The following FAF1 variants were observed in gnomAD, a reference collection of about 807,000 sequenced individuals.
FAF1 encodes the protein FAS-associated factor 1.
FAF1 carries 25 observed loss-of-function variants against 92.5 expected under a neutral mutation model. The ratio of observed to expected loss-of-function variants is 0.27; its 90% CI spans 0.20 to 0.38. The LOEUF is 0.38. FAF1 is among the 10% of genes least tolerant of loss of function. The pLI is 1.00. For synonymous variants in FAF1, 234 were observed against 273.2 expected, an observed-to-expected ratio of 0.86 and a Z score of 1.42; for missense variants, 636 against 793.3, an observed-to-expected ratio of 0.80 and a Z score of 2.38.
At chr1:50,913,017 G>A (rs1644896761) in intron 1 of FAF1, among the ~76,000 whole-genome samples, 1 of 152,140 alleles carries the variant, frequency 6.6e-6, no homozygotes, top group African/African-American at 2.4e-5. Flanking sequence ...GCCTTAAAAA[G>A]CCTTAAACAT....
intron 1 of FAF1, among the ~76,000 whole-genome samples, chr1:50,886,681 A>T (rs1298908459): frequency 6.6e-6 from 1 of 152,150 alleles, no homozygotes; most frequent in African/African-American, 2.4e-5. Context: ...TTCCAGCTTC[A>T]TCCATGTCCC....
chr1:50,610,234 G>A (rs79479034), intron 8 of FAF1, among the ~76,000 whole-genome samples: 4,584 of 152,194 alleles, frequency 0.03, 104 homozygotes, highest in Middle Eastern at 0.075. Context: ...TCCATATGAT[G>A]ATATGTTCAA....
rs374146304 is a variant in FAF1 at position 50,749,792 on chromosome 1, G to GA, written c.368-5018dup. ...TGACAGAGTGAGAACCTGTCTCAGAGAAAAAAAAAAAAACACGATTCTCAG... is the reference window on the plus strand; with the variant it reads ...TGACAGAGTGAGAACCTGTCTCAGAGAAAAAAAAAAAAAACACGATTCTCAG... On this transcript the variant is annotated intron_variant, in intron 4 of 18. Transcript: ENST00000396153. Among the ~76,000 whole-genome samples the GA allele has an allele frequency of 3.4e-3, 447 of 132,826 alleles. 1 individual carries two copies. Among genetic ancestry groups the GA allele is most frequent in the Middle Eastern group, 7.6e-3 (2 of 262 alleles). The allele number at this position is 132,826 out of a possible 152,430, so 87.1% of individuals were successfully genotyped here. A position where few individuals can be genotyped will look rare whatever the true frequency, so the allele number is the denominator to read the frequency against.
At chr1:50,642,435 A>G (rs1041657632) in intron 8 of FAF1, among the ~76,000 whole-genome samples, 1 of 151,914 alleles carries the variant, frequency 6.6e-6, no homozygotes, top group Non-Finnish European at 1.5e-5. Context: ...GGGATCACAA[A>G]GTCAGGAGTT....
In FAF1 at chr1:50,810,611, A is replaced by G. The variant is rs547546949; in HGVS notation, c.115-8934T>C. On this transcript the variant is annotated intron_variant, in intron 2 of 18. Coordinates refer to ENST00000396153, the MANE Select transcript of FAF1 (RefSeq NM_007051.3). The stretch of plus-strand genomic sequence containing the variant: ...CAGGCAAGAGAAAGAAATAAAAGGC[A>G]TCCAAATAGAAAGAGAGGAAGTCAA... Among the ~76,000 whole-genome samples the G allele has an allele frequency of 6.6e-5, 10 of 152,352 alleles. No individual in the cohort carries two copies. In the South Asian group the frequency reaches 1.7e-3, roughly 25 times the overall value.
chr1:50,678,776 CAAAAAAAAAAA>C (rs58946586), intron 7 of FAF1, among the ~76,000 whole-genome samples: 951 of 13,886 alleles, frequency 0.068, 16 homozygotes, highest in Non-Finnish European at 0.12. Context: ...GACTCCATCT[CAAAAAAAAAAA>C]AAAAAAAAAA....
At chr1:50,580,912 G>A (rs912685232) in intron 12 of FAF1, among the ~76,000 whole-genome samples, 1 of 152,122 alleles carries the variant, frequency 6.6e-6, no homozygotes, top group Non-Finnish European at 1.5e-5. Context: ...GCTGGGACTA[G>A]AGGCATGCAT....
At chr1:50,516,177 C>A (rs1647217264) in intron 15 of FAF1, among the ~76,000 whole-genome samples, 1 of 152,146 alleles carries the variant, frequency 6.6e-6, no homozygotes, top group Non-Finnish European at 1.5e-5. Flanking sequence ...TATAGCACTG[C>A]AAACTCTTAA....
intron 6 of FAF1, among the ~76,000 whole-genome samples, chr1:50,714,645 G>A (rs1160283366): frequency 6.6e-6 from 1 of 152,150 alleles, no homozygotes; most frequent in Non-Finnish European, 1.5e-5. Flanking sequence ...ACCTATTAAA[G>A]AAGGAAAGGG....
At chr1:50,710,400 G>A (rs1173731001) in intron 6 of FAF1, among the ~76,000 whole-genome samples, 1 of 152,134 alleles carries the variant, frequency 6.6e-6, no homozygotes, top group African/African-American at 2.4e-5. Context: ...GAGTCATAAA[G>A]CCAGATCTGA....
At chr1:50,591,390 T>C (rs937033160) in intron 9 of FAF1, among the ~76,000 whole-genome samples, 8 of 152,184 alleles carry the variant, frequency 5.3e-5, no homozygotes, top group Admixed American at 2.0e-4. Context: ...CTTTTACTGC[T>C]GGCCAGGTGC....
At chr1:50,852,587 A>C (rs1429792209) in intron 2 of FAF1, among the ~76,000 whole-genome samples, 3 of 152,160 alleles carry the variant, frequency 2.0e-5, no homozygotes, top group South Asian at 2.1e-4. Flanking sequence ...AAAGCATACT[A>C]GGTAGGGAAA....
intron 2 of FAF1, among the ~76,000 whole-genome samples, chr1:50,813,515 T>C (rs1452645459): frequency 1.3e-5 from 2 of 152,138 alleles, no homozygotes; most frequent in African/African-American, 2.4e-5. Context: ...TGTTGGAGTG[T>C]AGTGGCACAA....
chr1:50,517,135 T>C (rs752767965), intron 15 of FAF1, among the ~76,000 whole-genome samples: 1 of 152,218 alleles, frequency 6.6e-6, no homozygotes, highest in Non-Finnish European at 1.5e-5. Flanking sequence ...TAAAAGTGCA[T>C]GTACAAATTT....
At chr1:50,646,740 A>C (rs1442399098) in intron 8 of FAF1, among the ~76,000 whole-genome samples, 2 of 152,200 alleles carry the variant, frequency 1.3e-5, no homozygotes, top group African/African-American at 2.4e-5. Context: ...CAAACTCATC[A>C]ATCTCTGAGA....
At chr1:50,846,451 C>T (rs999623941) in intron 2 of FAF1, 6 of 442,076 alleles carry the variant, frequency 1.4e-5, no homozygotes, top group Admixed American at 2.6e-5. Context: ...CCGAGCCGCA[C>T]GCATCGAGCC....
intron 12 of FAF1, among the ~76,000 whole-genome samples, chr1:50,581,283 A>T (rs1650977856): frequency 6.6e-6 from 1 of 152,166 alleles, no homozygotes; most frequent in South Asian, 2.1e-4. Flanking sequence ...CTCTAATTTG[A>T]TTAATCATCT....
intron 1 of FAF1, among the ~76,000 whole-genome samples, chr1:50,888,485 C>G (rs1212833305): frequency 2.6e-5 from 4 of 152,038 alleles, no homozygotes; most frequent in African/African-American, 7.2e-5. Flanking sequence ...CAGTTTTTGC[C>G]CATTCAGTAT....
At chr1:50,613,901 G>A (rs746383561) in intron 8 of FAF1, among the ~76,000 whole-genome samples, 17 of 151,940 alleles carry the variant, frequency 1.1e-4, no homozygotes, top group East Asian at 5.8e-4. Context: ...GATCAAGACC[G>A]TCCTGGCCAA....
Sources: gnomAD v4.1 joint callset for allele counts (sites outside exome capture counted in the v4.1 genomes callset) on GRCh38, gnomAD v4.1.1 for gene constraint, MANE v1.5 for transcripts, NCBI Gene and HGNC (gene_info 2026-07-23, HGNC 2026-07-21) for gene names.